Variants in EEFSEC observed in about 807,000 individuals in gnomAD.
EEFSEC encodes the protein eukaryotic elongation factor, selenocysteine-tRNA specific, also known as selenocysteine-specific elongation factor.
EEFSEC carries 43 observed loss-of-function variants against 42.1 expected under a neutral mutation model. That is an observed-to-expected ratio of 1.02 (90% CI 0.80 to 1.32). EEFSEC has a LOEUF of 1.32. EEFSEC is among the 40% of genes most tolerant of loss of function. The pLI, the probability that EEFSEC is intolerant of heterozygous loss-of-function variation, is 0.00. For missense variants in EEFSEC, 745 were observed against 803.6 expected (o/e 0.93, Z 0.88); for synonymous variants, 354 against 339.1 (o/e 1.04, Z -0.48).
chr3:128,293,679 A>C (rs10934852), intron 4 of EEFSEC, among the ~76,000 whole-genome samples: 2,841 of 133,384 alleles, frequency 0.021, 278 homozygotes, highest in African/African-American at 0.074. Context: ...AAAAAAAAAA[A>C]AAAAAAAACT....
At chr3:128,381,752 G>T (rs1294257595) in intron 6 of EEFSEC, among the ~76,000 whole-genome samples, 1 of 152,150 alleles carries the variant, frequency 6.6e-6, no homozygotes, top group Non-Finnish European at 1.5e-5. Context: ...ATCTTCGTGG[G>T]GCCTGCAGGA....
the EEFSEC span, among the ~76,000 whole-genome samples, chr3:128,417,385 C>A: frequency 4.6e-5 from 7 of 152,198 alleles, no homozygotes; most frequent in South Asian, 1.5e-3. This position sits in a 1 kb window ranked among gnomAD's most constrained non-coding sequence, Gnocchi z 4.3. Flanking sequence ...CTCCCTCCCG[C>A]CTCAGGGCCT....
At chr3:128,205,942 T>C (rs1484780784) in intron 1 of EEFSEC, among the ~76,000 whole-genome samples, 1 of 152,240 alleles carries the variant, frequency 6.6e-6, no homozygotes, top group Admixed American at 6.5e-5. Context: ...GAGTGGGGTG[T>C]GCCAAGTGTA....
At chr3:128,369,086 G>A (rs1199878098) in intron 6 of EEFSEC, among the ~76,000 whole-genome samples, 3 of 152,290 alleles carry the variant, frequency 2.0e-5, no homozygotes, top group Middle Eastern at 3.4e-3. Context: ...GGAGGCCATC[G>A]CCCTGTTTCT....
rs762769770 is a variant in EEFSEC at position 128,395,904 on chromosome 3, A to G, written c.1601-12165A>G. ...CTTATTCCCACCATCCCTCACCCCA[A>G]CTGAGGAAAAAACCAAAGCTCCGAG... is the stretch of plus-strand genomic sequence containing the variant. On this transcript the variant is annotated intron_variant, in intron 6 of 6. Transcript: ENST00000254730. Among the ~76,000 whole-genome samples, 66 of 152,160 alleles carry G rather than the reference A, an allele frequency of 4.3e-4. 1 individual carries two copies. The highest frequency in any genetic ancestry group is 3.4e-3 in the Middle Eastern group (1 of 294).
chr3:128,247,184 C>T (rs2066137193), intron 2 of EEFSEC, 141 bp downstream of exon 2: 1 of 862,202 alleles, frequency 1.2e-6, no homozygotes, highest in Admixed American at 2.6e-5. Flanking sequence ...CATTTGCTCA[C>T]ATAAGGGCTG....
rs968223352 is a variant in EEFSEC at position 128,367,933 on chromosome 3, T to C, written c.1600+9560T>C. The C allele has an allele frequency of 5.2e-5, 43 of 819,510 alleles. No individual in the cohort carries two copies. The African/African-American group carries it at 7.3e-4, about 14-fold the overall frequency. The allele number at this position is 819,510 out of a possible 1,614,324, so 50.8% of individuals were successfully genotyped here. ...CCTCCTGCGATCACTTGCCTAATGG[T>C]TCTTCCTCCCACCACCCACTGGGAG... is the stretch of plus-strand genomic sequence containing the variant. On this transcript the variant is annotated intron_variant, in intron 6 of 6. Coordinates refer to ENST00000254730, the MANE Select transcript of EEFSEC (RefSeq NM_021937.5).
chr3:128,169,736 G>A (rs1415979140), intron 1 of EEFSEC, among the ~76,000 whole-genome samples: 2 of 152,162 alleles, frequency 1.3e-5, no homozygotes, highest in African/African-American at 4.8e-5. Flanking sequence ...TGGAGGTTAA[G>A]GACACATTCC....
intron 1 of EEFSEC, among the ~76,000 whole-genome samples, chr3:128,206,355 C>G (rs527458124): frequency 1.0e-3 from 153 of 152,292 alleles, no homozygotes; most frequent in African/African-American, 3.5e-3. Flanking sequence ...AATCATTAAC[C>G]TCCCAAAATT....
rs115047287 is a variant in EEFSEC, at chr3:128,215,482, G to A, written c.317-31354G>A. 4.6e-3 allele frequency among the ~76,000 whole-genome samples: 699 copies of A among 152,330 alleles called. 4 individuals are homozygous for A. The highest frequency in any genetic ancestry group is 0.015 in the African/African-American group (616 of 41,568). ...GGGTAGTCATAGTGCACCTTGGACAGCGTTGATGGATCAGATGAGATGATG... is the reference window on the plus strand; with the variant it reads ...GGGTAGTCATAGTGCACCTTGGACAACGTTGATGGATCAGATGAGATGATG... On this transcript the variant is annotated intron_variant, in intron 1 of 6. Coordinates refer to ENST00000254730, the MANE Select transcript of EEFSEC (RefSeq NM_021937.5).
At chr3:128,262,321 G>A in intron 3 of EEFSEC, 97 bp downstream of exon 3, 2 of 1,115,332 alleles carry the variant, frequency 1.8e-6, no homozygotes, top group Non-Finnish European at 2.7e-6. Flanking sequence ...AAGAGAGGCA[G>A]CCCTAGCAAG....
intron 4 of EEFSEC, among the ~76,000 whole-genome samples, chr3:128,308,866 G>A (rs376827995): frequency 2.6e-5 from 4 of 152,186 alleles, no homozygotes; most frequent in African/African-American, 9.7e-5. Flanking sequence ...GCATAGAGCC[G>A]GAGCTTTAGC....
intron 6 of EEFSEC, among the ~76,000 whole-genome samples, chr3:128,397,333 AT>A (rs2067993211): frequency 6.6e-6 from 1 of 152,196 alleles, no homozygotes; most frequent in Non-Finnish European, 1.5e-5. Context: ...CTGGATGGGA[AT>A]CGCTGCTCCC....
At chr3:128,327,838 G>A (rs1199029967) in intron 4 of EEFSEC, among the ~76,000 whole-genome samples, 1 of 152,198 alleles carries the variant, frequency 6.6e-6, no homozygotes, top group Non-Finnish European at 1.5e-5. Flanking sequence ...GGAGGAGGGG[G>A]CGGCTGCTAT....
At chr3:128,399,877 T>C (rs1164493994) in intron 6 of EEFSEC, among the ~76,000 whole-genome samples, 1 of 152,130 alleles carries the variant, frequency 6.6e-6, no homozygotes, top group Non-Finnish European at 1.5e-5. Flanking sequence ...CGGGCTGCCC[T>C]GCCCTGCTAG....
At chr3:128,243,796 G>A (rs527382153) in intron 1 of EEFSEC, among the ~76,000 whole-genome samples, 2 of 152,280 alleles carry the variant, frequency 1.3e-5, no homozygotes, top group East Asian at 3.9e-4. Context: ...GGGAGAAATT[G>A]TGGGCTGGGT....
At chr3:128,337,012 T>C (rs1456459664) in intron 4 of EEFSEC, 1 of 152,216 alleles carries the variant, frequency 6.6e-6, no homozygotes, top group Non-Finnish European at 1.5e-5. Context: ...AGGAGTGAGT[T>C]ATTCAGTAGA....
At chr3:128,366,213 G>C (rs2067588476) in intron 6 of EEFSEC, among the ~76,000 whole-genome samples, 1 of 152,250 alleles carries the variant, frequency 6.6e-6, no homozygotes, top group Admixed American at 6.5e-5. Flanking sequence ...TCTAAGAATA[G>C]AAACTATGGT....
At chr3:128,419,913 T>C in the EEFSEC span, among the ~76,000 whole-genome samples, 3 of 152,228 alleles carry the variant, frequency 2.0e-5, no homozygotes, top group Admixed American at 6.5e-5. Flanking sequence ...GGGTTTGTCA[T>C]GCCTAGGAGT....
Sources: allele counts gnomAD v4.1 joint callset (sites outside exome capture counted in the v4.1 genomes callset), GRCh38; gene constraint gnomAD v4.1.1; non-coding constraint Gnocchi (gnomAD v3.1); transcripts MANE v1.5; gene names NCBI Gene and HGNC (gene_info 2026-07-23, HGNC 2026-07-21).